Variants in NAALADL2 observed in about 807,000 individuals in gnomAD.
NAALADL2 encodes the protein inactive N-acetylated-alpha-linked acidic dipeptidase-like protein 2.
In NAALADL2, 76 loss-of-function variants were observed where a neutral mutation model predicts 87.2. The ratio of observed to expected loss-of-function variants is 0.87; its 90% CI spans 0.72 to 1.05. The LOEUF (loss-of-function observed/expected upper bound fraction) is 1.05. Among genes scored for constraint, NAALADL2 ranks in the 50% least tolerant of loss-of-function variants. The probability of loss-of-function intolerance (pLI) is 0.00; values close to 1 mark genes in which losing one functional copy is unlikely to be tolerated. For missense variants in NAALADL2, 1,089 were observed against 945.8 expected (o/e 1.15, Z -1.99); for synonymous variants, 354 against 331.0 (o/e 1.07, Z -0.75).
intron 3 of NAALADL2, among the ~76,000 whole-genome samples, chr3:174,753,406 AAAATT>A (rs1472290661): frequency 6.6e-6 from 1 of 152,184 alleles, no homozygotes; most frequent in Non-Finnish European, 1.5e-5. Context: ...ATTTTATTCT[AAAATT>A]AGTCAGGAGG....
rs369110672 is a variant in NAALADL2, at chr3:175,320,463, T to G, written c.940-3712T>G. ...ATAAGGTTACGTGTAAATTCCTCAG[T>G]TGCTATATCTGGGAGGTCTGGCTGG... is the stretch of plus-strand genomic sequence containing the variant. On this transcript the variant is annotated intron_variant, in intron 4 of 13. Transcript: ENST00000454872. Among the ~76,000 whole-genome samples, 38 of 152,282 alleles carry G rather than the reference T, an allele frequency of 2.5e-4. No individual in the cohort carries two copies. The East Asian group carries it at 5.8e-3, about 23-fold the overall frequency.
At chr3:175,274,133 C>G (rs551754665) in intron 4 of NAALADL2, among the ~76,000 whole-genome samples, 1 of 152,050 alleles carries the variant, frequency 6.6e-6, no homozygotes, top group Non-Finnish European at 1.5e-5. Context: ...CTGGGGAGGC[C>G]TCACAATCAA....
At chr3:175,610,636 T>C (rs1320411294) in intron 10 of NAALADL2, among the ~76,000 whole-genome samples, 1 of 152,110 alleles carries the variant, frequency 6.6e-6, no homozygotes, top group Non-Finnish European at 1.5e-5. Context: ...CATAAAGCCA[T>C]CTTACCATCT....
At chr3:175,148,950 A>G (rs2108770951) in intron 2 of NAALADL2, among the ~76,000 whole-genome samples, 1 of 152,280 alleles carries the variant, frequency 6.6e-6, no homozygotes, top group Middle Eastern at 3.4e-3. Context: ...TTGGTTCCAT[A>G]TGAATGTTAG....
chr3:174,507,201 T>C (rs1418015818), intron 1 of NAALADL2, among the ~76,000 whole-genome samples: 1 of 152,206 alleles, frequency 6.6e-6, no homozygotes, highest in Non-Finnish European at 1.5e-5. Context: ...TTTAATGTTT[T>C]ATTTCCAATG....
intron 1 of NAALADL2, among the ~76,000 whole-genome samples, chr3:174,882,646 CATATACACATAT>C (rs1560318822): frequency 1.5e-4 from 21 of 144,180 alleles, no homozygotes; most frequent in Non-Finnish European, 3.2e-4. Flanking sequence ...CACATATGTG[CATATACACATAT>C]GTGCATATAC....
At chr3:175,408,709 G>C (rs932895824) in intron 5 of NAALADL2, among the ~76,000 whole-genome samples, 1 of 151,928 alleles carries the variant, frequency 6.6e-6, no homozygotes, top group African/African-American at 2.4e-5. Context: ...GCATAAACAT[G>C]TTATCATCTC....
At chr3:174,968,075 G>C (rs1032045308) in intron 1 of NAALADL2, among the ~76,000 whole-genome samples, 6 of 152,138 alleles carry the variant, frequency 3.9e-5, no homozygotes, top group African/African-American at 1.4e-4. Context: ...GAGTATTGTA[G>C]ACTACTGTTT....
At chr3:174,917,842 A>G (rs1299673757) in intron 1 of NAALADL2, among the ~76,000 whole-genome samples, 2 of 152,120 alleles carry the variant, frequency 1.3e-5, no homozygotes, top group Non-Finnish European at 2.9e-5. Flanking sequence ...GACTGTTGAA[A>G]TAAAGATCAT....
chr3:174,850,264 T>G (rs569706321), intron 3 of NAALADL2, among the ~76,000 whole-genome samples: 8 of 152,280 alleles, frequency 5.3e-5, no homozygotes, highest in African/African-American at 1.9e-4. Context: ...GGATGTCTGC[T>G]GCCAGACATA....
At chr3:175,643,638 G>A (rs1048313101) in intron 11 of NAALADL2, among the ~76,000 whole-genome samples, 3 of 152,166 alleles carry the variant, frequency 2.0e-5, no homozygotes, top group African/African-American at 7.2e-5. Context: ...ATGATTGTCA[G>A]TGAGAAAAAA....
intron 2 of NAALADL2, among the ~76,000 whole-genome samples, chr3:175,193,378 A>G (rs188302962): frequency 1.1e-4 from 17 of 152,060 alleles, no homozygotes; most frequent in African/African-American, 3.1e-4. Context: ...CTATTCCTCT[A>G]CACGGGCCCT....
At chr3:174,600,069 G>A (rs935955406) in intron 2 of NAALADL2, among the ~76,000 whole-genome samples, 2 of 151,954 alleles carry the variant, frequency 1.3e-5, no homozygotes, top group Non-Finnish European at 2.9e-5. Context: ...ATTCTTTATA[G>A]TATTCTATTT....
intron 9 of NAALADL2, among the ~76,000 whole-genome samples, chr3:175,489,745 G>T (rs1047149024): frequency 1.3e-5 from 2 of 152,016 alleles, no homozygotes; most frequent in Admixed American, 6.6e-5. Context: ...AAGTTAGATG[G>T]GATACACAGT....
intron 13 of NAALADL2, among the ~76,000 whole-genome samples, chr3:175,785,305 G>A (rs1360492979): frequency 6.7e-6 from 1 of 149,958 alleles, no homozygotes; most frequent in East Asian, 1.9e-4. Context: ...ACAGTGGGGT[G>A]TTAAAGTCTC....
At chr3:174,658,882 T>C (rs558268496) in intron 2 of NAALADL2, among the ~76,000 whole-genome samples, 2 of 152,196 alleles carry the variant, frequency 1.3e-5, no homozygotes, top group East Asian at 1.9e-4. Flanking sequence ...ATAACAAATA[T>C]GTATAATGCA....
intron 3 of NAALADL2, among the ~76,000 whole-genome samples, chr3:174,847,787 C>T (rs1298223119): frequency 1.4e-5 from 2 of 146,318 alleles, no homozygotes; most frequent in African/African-American, 5.1e-5. Context: ...AATAAGTGCC[C>T]ATCAGAGTAT....
intron 4 of NAALADL2, among the ~76,000 whole-genome samples, chr3:175,294,314 A>G (rs1756036767): frequency 6.6e-6 from 1 of 152,084 alleles, no homozygotes; most frequent in African/African-American, 2.4e-5. Context: ...CTGGCCAGCT[A>G]TGGTGTATGA....
intron 2 of NAALADL2, among the ~76,000 whole-genome samples, chr3:175,231,574 A>C (rs1484342504): frequency 6.6e-6 from 1 of 152,086 alleles, no homozygotes; most frequent in Non-Finnish European, 1.5e-5. Context: ...CTTATAGTAT[A>C]AACATTCAAT....
Sources: gnomAD v4.1 joint callset for allele counts (sites outside exome capture counted in the v4.1 genomes callset) on GRCh38, gnomAD v4.1.1 for gene constraint, MANE v1.5 for transcripts, NCBI Gene and HGNC (gene_info 2026-07-23, HGNC 2026-07-21) for gene names.